Variants in AHI1 observed in about 807,000 individuals in gnomAD.
AHI1 encodes Abelson helper integration site 1, also known as jouberin.
In AHI1, 123 loss-of-function variants were observed where a neutral mutation model predicts 149.3. The observed-to-expected ratio is 0.82, with a 90% CI of 0.71 to 0.96. AHI1 has a LOEUF of 0.96. Among genes scored for constraint, AHI1 ranks in the 40% least tolerant of loss-of-function variants. The pLI, the probability that AHI1 is intolerant of heterozygous loss-of-function variation, is 0.00. For missense variants in AHI1, 1,439 were observed against 1,422.7 expected (o/e 1.01, Z -0.18); for synonymous variants, 475 against 459.8 (o/e 1.03, Z -0.42).
At chr6:135,364,102 G>A (rs1216025461) in intron 23 of AHI1, among the ~76,000 whole-genome samples, 20 of 151,818 alleles carry the variant, frequency 1.3e-4, no homozygotes, top group African/African-American at 4.4e-4. Flanking sequence ...GGACGAGGTG[G>A]CTGCCGGGCG....
intron 21 of AHI1, among the ~76,000 whole-genome samples, chr6:135,405,793 G>C: frequency 6.7e-6 from 1 of 149,894 alleles, no homozygotes. Flanking sequence ...CTGGGAGGTG[G>C]AGGTTGTAGT....
At chr6:135,316,702 T>C (rs992729340) in intron 26 of AHI1, among the ~76,000 whole-genome samples, 1 of 152,190 alleles carries the variant, frequency 6.6e-6, no homozygotes, top group African/African-American at 2.4e-5. Context: ...CTCTATGACA[T>C]ACTTTCTGGG....
chr6:135,350,494 C>T (rs1044157568), intron 24 of AHI1, among the ~76,000 whole-genome samples: 1 of 151,970 alleles, frequency 6.6e-6, no homozygotes, highest in Non-Finnish European at 1.5e-5. Flanking sequence ...CTACTGAAGG[C>T]CTATAAGTAG....
Position 135,466,356 on chromosome 6 carries a change from G to T in AHI1, c.207C>A (p.Ser69Arg), listed in dbSNP as rs775740410. The change falls in exon 7 of 29, where the codon AGC (serine) becomes AGA (arginine). Residue 69 changes from serine (S) to arginine (R), a missense_variant. Physicochemically the swap from Ser to Arg is moderately radical, Grantham distance 110. Coordinates refer to ENST00000265602, the MANE Select transcript of AHI1 (RefSeq NM_001134831.2). The stretch of plus-strand genomic sequence containing the variant: ...TAGTTTCTTTAATATGGGGAAGATT[G>T]CTTCTAATAGTGTCGGGCTAGGAAA... ...TTSDDPDTIR[S>R]NLPHIKETTS... The T allele has an allele frequency of 1.9e-6, 3 of 1,613,222 alleles. No homozygotes were observed. Among genetic ancestry groups the T allele is most frequent in the Non-Finnish European group, 2.5e-6 (3 of 1,179,614 alleles).
chr6:135,429,980 A>G lies in AHI1; in HGVS notation c.2394T>C (p.Phe798=). The G allele has an allele frequency of 6.4e-7, 1 of 1,567,878 alleles. No individual in the cohort carries two copies. Among genetic ancestry groups the G allele is most frequent in the Non-Finnish European group, 8.7e-7 (1 of 1,153,202 alleles). The stretch of plus-strand genomic sequence containing the variant: ...CCAAATAACTTATTGGAATTCCCTT[A>G]AACTCAGTTTCTTTAATTTCCTAAA... ...TINKEIKETE[F]KGIPISYLEI... Residue 798 remains phenylalanine, a synonymous_variant, in exon 18 of 29, where the codon TTT becomes TTC. Coordinates refer to ENST00000265602, the MANE Select transcript of AHI1 (RefSeq NM_001134831.2).
At chr6:135,405,859 C>CAAAAAAAAAAAAAAAAAAAAAAA in intron 21 of AHI1, among the ~76,000 whole-genome samples, 1 of 29,294 alleles carries the variant, frequency 3.4e-5, no homozygotes, top group African/African-American at 1.2e-4. Flanking sequence ...GACTCCAACT[C>CAAAAAAAAAAAAAAAAAAAAAAA]AAAAAAAAAA....
At chr6:135,460,276 T>C (rs920608639) in intron 8 of AHI1, among the ~76,000 whole-genome samples, 8 of 152,212 alleles carry the variant, frequency 5.3e-5, no homozygotes, top group Non-Finnish European at 1.2e-4. Context: ...TCTACATATA[T>C]GTACCAGCAA....
intron 13 of AHI1, among the ~76,000 whole-genome samples, chr6:135,445,622 G>C (rs959776217): frequency 1.3e-5 from 2 of 152,070 alleles, no homozygotes; most frequent in Non-Finnish European, 2.9e-5. Context: ...ATCCAGGCTT[G>C]AGTGCAGTGG....
chr6:135,328,546 T>C (rs1369928200), intron 24 of AHI1, among the ~76,000 whole-genome samples: 3 of 152,068 alleles, frequency 2.0e-5, no homozygotes, highest in Non-Finnish European at 2.9e-5. Context: ...ATGTTTTGAT[T>C]GCTTCACCAA....
intron 13 of AHI1, among the ~76,000 whole-genome samples, chr6:135,443,441 G>A (rs1175950658): frequency 6.6e-6 from 1 of 151,952 alleles, no homozygotes; most frequent in Non-Finnish European, 1.5e-5. Context: ...ACATATACTG[G>A]GCTCTTACTA....
At chr6:135,382,927 ATATATAT>A (rs1269290286) in intron 23 of AHI1, among the ~76,000 whole-genome samples, 1 of 26,430 alleles carries the variant, frequency 3.8e-5, no homozygotes, top group African/African-American at 1.3e-4. Context: ...AAAAAAAAAA[ATATATAT>A]ATATATATAT....
chr6:135,496,750 C>A (rs1357240972), intron 2 of AHI1, among the ~76,000 whole-genome samples: 1 of 151,986 alleles, frequency 6.6e-6, no homozygotes, highest in East Asian at 1.9e-4. Context: ...GAAAAAAAGA[C>A]AAACAAAAAT....
chr6:135,325,737 G>C (rs1787573004), intron 24 of AHI1, among the ~76,000 whole-genome samples: 1 of 151,972 alleles, frequency 6.6e-6, no homozygotes, highest in African/African-American at 2.4e-5. Context: ...TGTTCCTGTT[G>C]TTCCTTATCC....
At chr6:135,386,845 G>A (rs981648642) in intron 23 of AHI1, among the ~76,000 whole-genome samples, 1 of 151,948 alleles carries the variant, frequency 6.6e-6, no homozygotes, top group Non-Finnish European at 1.5e-5. Context: ...TGGCCAGGCT[G>A]GTCTTGAACT....
rs116662997 is a variant in AHI1 at position 135,322,716 on chromosome 6, T to C, written c.3328+446A>G. On this transcript the variant is annotated intron_variant, in intron 25 of 28. Transcript: ENST00000265602. ...AATGAGGGCTAAATTTACTTGAGAA[T>C]GAAACAACTTATTGTAGTTTTGTTT... Among the ~76,000 whole-genome samples, 534 of 152,354 alleles carry C rather than the reference T, an allele frequency of 3.5e-3. 5 individuals carry two copies. Among genetic ancestry groups the C allele is most frequent in the African/African-American group, 0.012 (500 of 41,586 alleles).
rs1401140658 is a variant in AHI1 at position 135,447,072 on chromosome 6, A to G, written c.1715T>C (p.Val572Ala). The G allele has an allele frequency of 2.5e-6, 4 of 1,613,178 alleles. No individual in the cohort carries two copies. The highest frequency in any genetic ancestry group is 3.4e-6 in the Non-Finnish European group (4 of 1,179,544). The stretch of plus-strand genomic sequence containing the variant: ...CTCTTCTAATCCAGGTTCTGTGTCT[A>G]CTGAGCTTGACTCATGGTGACGTTC... ...HCERHHESSS[V>A]DTEPGLEESK... The change falls in exon 13 of 29, where the codon GTA becomes GCA. Residue 572 changes from valine to alanine, a missense_variant. Transcript: ENST00000265602.
At chr6:135,482,170 C>T (rs1327080295) in intron 5 of AHI1, among the ~76,000 whole-genome samples, 1 of 152,110 alleles carries the variant, frequency 6.6e-6, no homozygotes, top group Non-Finnish European at 1.5e-5. Flanking sequence ...CCTCAGGTTT[C>T]AAGTACACAT....
intron 13 of AHI1, among the ~76,000 whole-genome samples, chr6:135,443,935 G>C (rs1481317160): frequency 6.6e-6 from 1 of 152,134 alleles, no homozygotes; most frequent in African/African-American, 2.4e-5. Flanking sequence ...TCCTAGAGTA[G>C]GAAGTGTAAT....
chr6:135,491,226 C>T (rs1052048119), intron 4 of AHI1, among the ~76,000 whole-genome samples: 1 of 152,082 alleles, frequency 6.6e-6, no homozygotes, highest in African/African-American at 2.4e-5. Context: ...TGCTTAAGCC[C>T]CTGAAAATTT....
Sources: gnomAD v4.1 joint callset for allele counts (sites outside exome capture counted in the v4.1 genomes callset) on GRCh38, gnomAD v4.1.1 for gene constraint, MANE v1.5 for transcripts, NCBI Gene and HGNC (gene_info 2026-07-23, HGNC 2026-07-21) for gene names.